The following PCDHA2 variants were observed in gnomAD, a reference collection of about 807,000 sequenced individuals.
PCDHA2 encodes protocadherin alpha 2.
A neutral mutation model predicts 66.0 loss-of-function variants in PCDHA2; 58 were observed. That is an observed-to-expected ratio of 0.88 (90% CI 0.71 to 1.09). PCDHA2 has a LOEUF of 1.09. PCDHA2 is among the 50% of genes least tolerant of loss of function. The probability of loss-of-function intolerance (pLI) is 0.00; values close to 1 mark genes in which losing one functional copy is unlikely to be tolerated. For missense variants in PCDHA2, 1,267 were observed against 1,242.3 expected (o/e 1.02, Z -0.30); for synonymous variants, 634 against 554.0 (o/e 1.14, Z -2.03).
intron 1 of PCDHA2, among the ~76,000 whole-genome samples, chr5:140,820,111 G>A (rs1766687822): frequency 6.6e-6 from 1 of 151,836 alleles, no homozygotes; most frequent in South Asian, 2.1e-4. Context: ...ATTTTCTTAT[G>A]TTTTTAACCA....
intron 1 of PCDHA2, among the ~76,000 whole-genome samples, chr5:140,819,452 A>G (rs1461686795): frequency 1.3e-5 from 2 of 152,148 alleles, no homozygotes; most frequent in Non-Finnish European, 2.9e-5. Context: ...TTTTTTCTCA[A>G]GGAAGAACTT....
chr5:140,857,241 C>T, intron 1 of PCDHA2: 1 of 1,598,588 alleles, frequency 6.3e-7, no homozygotes, highest in East Asian at 2.2e-5. Context: ...AAGCTGGTGT[C>T]CACCTACAAG....
chr5:140,870,944 C>A (rs1554164906), intron 1 of PCDHA2: 1 of 1,613,540 alleles, frequency 6.2e-7, no homozygotes, highest in Admixed American at 1.7e-5. Context: ...CAGCCGGCGG[C>A]GGGCGGCTCG....
chr5:140,927,929 C>G (rs762916391), intron 1 of PCDHA2: 1 of 1,614,208 alleles, frequency 6.2e-7, no homozygotes, highest in Non-Finnish European at 8.5e-7. Flanking sequence ...CTGACTCTTT[C>G]GAACCCAGTA....
chr5:140,944,133 G>C (rs1051812384), intron 1 of PCDHA2, among the ~76,000 whole-genome samples: 2 of 152,134 alleles, frequency 1.3e-5, no homozygotes, highest in Non-Finnish European at 2.9e-5. Context: ...AGAAAAGGTT[G>C]AAGATTAGAA....
At chr5:140,932,633 A>T (rs1192123242) in intron 1 of PCDHA2, among the ~76,000 whole-genome samples, 1 of 151,912 alleles carries the variant, frequency 6.6e-6, no homozygotes, top group African/African-American at 2.4e-5. Flanking sequence ...ACACTAAAAA[A>T]CTTTAGAATG....
intron 1 of PCDHA2, among the ~76,000 whole-genome samples, chr5:140,942,347 G>T (rs2093273719): frequency 6.6e-6 from 1 of 151,956 alleles, no homozygotes; most frequent in Non-Finnish European, 1.5e-5. Flanking sequence ...GGGAGGCGGA[G>T]GTTGCAGTTA....
Position 140,796,376 on chromosome 5 carries a change from G to A in PCDHA2, c.1412G>A (p.Gly471Asp). The A allele has an allele frequency of 6.2e-7, 1 of 1,613,428 alleles. No homozygotes were observed. Among genetic ancestry groups the A allele is most frequent in the African/African-American group, 1.3e-5 (1 of 74,830 alleles). ...TVFVKENNPP[G>D]CHIFTVSAWD... The stretch of plus-strand genomic sequence containing the variant: ...TTCGTGAAGGAGAACAACCCGCCGG[G>A]CTGCCACATCTTCACGGTGTCAGCG... Residue 471 changes from glycine (G) to aspartate (D), a missense_variant, in exon 1 of 4, where the codon GGC becomes GAC. Physicochemically the swap from Gly to Asp is moderately conservative, Grantham distance 94. Coordinates refer to ENST00000526136, the MANE Select transcript of PCDHA2 (RefSeq NM_018905.3).
At chr5:140,913,749 G>T (rs1166280044) in intron 1 of PCDHA2, among the ~76,000 whole-genome samples, 22 of 152,098 alleles carry the variant, frequency 1.4e-4, no homozygotes, top group Middle Eastern at 3.4e-3. Context: ...TCCTTTTGTT[G>T]TATCTCATAG....
chr5:140,871,438 C>T, intron 1 of PCDHA2: 1 of 1,611,836 alleles, frequency 6.2e-7, no homozygotes. Context: ...TCCTCTAGGT[C>T]TGAATAAAGA....
intron 3 of PCDHA2, among the ~76,000 whole-genome samples, chr5:140,994,309 C>T (rs924119174): frequency 1.3e-5 from 2 of 152,072 alleles, no homozygotes; most frequent in African/African-American, 4.8e-5. Context: ...TTCACAGGGC[C>T]CAAACACTCT....
chr5:140,891,879 A>G, intron 1 of PCDHA2, among the ~76,000 whole-genome samples: 1 of 152,196 alleles, frequency 6.6e-6, no homozygotes, highest in East Asian at 1.9e-4. Flanking sequence ...TGGCTCTGTC[A>G]TGTGACGATG....
At chr5:140,897,874 T>C (rs541496059) in intron 1 of PCDHA2, among the ~76,000 whole-genome samples, 2,161 of 152,206 alleles carry the variant, frequency 0.014, 44 homozygotes, top group African/African-American at 0.049. Context: ...TTTTAATGAT[T>C]GCCATTCTAA....
intron 1 of PCDHA2, chr5:140,847,657 A>C (rs1362536934): frequency 3.3e-5 from 5 of 149,954 alleles, no homozygotes; most frequent in South Asian, 2.1e-4. Context: ...TTATTCATAG[A>C]TTATAAAGCT....
At position 140,993,463 on chromosome 5, in the gene PCDHA2, CA is replaced by C. The variant is rs1563591979; in HGVS notation, c.2536+10901del. ...ATTCCTGTTCTCCTTCTTTCTTTCTCACACACACACACACACACACACACAC... is the reference window on the plus strand; with the variant it reads ...ATTCCTGTTCTCCTTCTTTCTTTCTCCACACACACACACACACACACACAC... On this transcript the variant is annotated intron_variant, in intron 3 of 3. Coordinates refer to ENST00000526136, the MANE Select transcript of PCDHA2 (RefSeq NM_018905.3). Among the ~76,000 whole-genome samples the C allele has an allele frequency of 9.6e-3, 73 of 7,582 alleles. 1 individual carries two copies. The highest frequency in any genetic ancestry group is 0.047 in the African/African-American group (71 of 1,514). 5.0% of individuals were successfully genotyped at this position (7,582 alleles called of 152,430 possible).
chr5:140,818,777 C>T (rs1420309458), intron 1 of PCDHA2, among the ~76,000 whole-genome samples: 20 of 152,210 alleles, frequency 1.3e-4, no homozygotes, highest in African/African-American at 4.8e-4. Context: ...CTGCAATGAA[C>T]TTTGACTGTA....
In PCDHA2 at chr5:140,879,581, G is replaced by A. The variant is rs537126502; in HGVS notation, c.2388+82229G>A. On this transcript the variant is annotated intron_variant, in intron 1 of 3. Transcript: ENST00000526136. ...ATGAAAGAATAAAATTGCCAAGACA[G>A]ACATTGAAAAGTGAAAAACAATGTG... Among the ~76,000 whole-genome samples the A allele has an allele frequency of 2.6e-5, 4 of 152,334 alleles. No individual in the cohort carries two copies. In the East Asian group the frequency reaches 7.7e-4, roughly 29 times the overall value.
At chr5:140,871,519 A>C in intron 1 of PCDHA2, 1 of 1,554,010 alleles carries the variant, frequency 6.4e-7, no homozygotes, top group Non-Finnish European at 8.7e-7. Context: ...GATTCCACCT[A>C]TCAGGAAGTG....
In PCDHA2 at chr5:140,843,235, C is replaced by G. The variant is rs2150355590; in HGVS notation, c.2388+45883C>G. On this transcript the variant is annotated intron_variant, in intron 1 of 3. Coordinates refer to ENST00000526136, the MANE Select transcript of PCDHA2 (RefSeq NM_018905.3). ...AGATCAGCACCACTCGTGTCCTGGACGAAGCGGACTCTCCGCGCCACCGTC... is the reference window on the plus strand; with the variant it reads ...AGATCAGCACCACTCGTGTCCTGGAGGAAGCGGACTCTCCGCGCCACCGTC... 1.0e-5 allele frequency: 16 copies of G among 1,595,840 alleles called. 2 individuals are homozygous for G. The African/African-American group carries it at 1.2e-4, about 12-fold the overall frequency.
Sources: gnomAD v4.1 joint callset for allele counts (sites outside exome capture counted in the v4.1 genomes callset) on GRCh38, gnomAD v4.1.1 for gene constraint, MANE v1.5 for transcripts, NCBI Gene and HGNC (gene_info 2026-07-23, HGNC 2026-07-21) for gene names.